Variants in CCDC171 observed in about 807,000 individuals in gnomAD.
CCDC171 encodes coiled-coil domain-containing protein 171.
A neutral mutation model predicts 168.2 loss-of-function variants in CCDC171; 177 were observed. The observed-to-expected ratio is 1.05, with a 90% CI of 0.93 to 1.19. The LOEUF is 1.19. Among genes scored for constraint, CCDC171 ranks in the 50% most tolerant of loss-of-function variants. CCDC171 has a pLI of 0.00. For synonymous variants in CCDC171, 687 were observed against 540.8 expected, an observed-to-expected ratio of 1.27 and a Z score of -3.75; for missense variants, 1,991 against 1,539.0, an observed-to-expected ratio of 1.29 and a Z score of -4.91.
At chr9:15,672,276 A>G (rs951467515) in intron 9 of CCDC171, among the ~76,000 whole-genome samples, 2 of 152,192 alleles carry the variant, frequency 1.3e-5, no homozygotes, top group East Asian at 1.9e-4. Flanking sequence ...ATAAATTGCA[A>G]AAATTTTCTC....
intron 18 of CCDC171, among the ~76,000 whole-genome samples, chr9:15,773,735 G>A (rs770476873): frequency 4.6e-5 from 7 of 150,988 alleles, no homozygotes; most frequent in Non-Finnish European, 8.8e-5. Flanking sequence ...ATTTAATATA[G>A]AATGAATTGC....
intron 6 of CCDC171, among the ~76,000 whole-genome samples, chr9:15,601,253 G>T (rs1054872520): frequency 6.6e-6 from 1 of 152,150 alleles, no homozygotes; most frequent in Non-Finnish European, 1.5e-5. Flanking sequence ...GACTGGAGCT[G>T]TTCCTATTTG....
chr9:16,108,891 C>T, the CCDC171 span, among the ~76,000 whole-genome samples: 1 of 152,106 alleles, frequency 6.6e-6, no homozygotes, highest in Admixed American at 6.5e-5. Context: ...AAATAAATAT[C>T]TTTTCTTTAT....
intron 6 of CCDC171, among the ~76,000 whole-genome samples, chr9:15,595,300 C>G (rs2042262234): frequency 6.6e-6 from 1 of 152,090 alleles, no homozygotes; most frequent in Admixed American, 6.5e-5. Flanking sequence ...CCTCCCCGCT[C>G]CCCTGACCCC....
chr9:15,758,894 A>T (rs932991609), intron 18 of CCDC171, among the ~76,000 whole-genome samples: 1 of 152,138 alleles, frequency 6.6e-6, no homozygotes, highest in Non-Finnish European at 1.5e-5. Flanking sequence ...TTCCCCAGCC[A>T]TGTGGAACTA....
At chr9:15,593,970 A>T in intron 5 of CCDC171, 71 bp from the exon 6 acceptor site, 1 of 1,061,006 alleles carries the variant, frequency 9.4e-7, no homozygotes. Context: ...CTCTTTGTAC[A>T]TTTAAACTGG....
intron 21 of CCDC171, chr9:15,845,614 A>C (rs1436941384): frequency 6.6e-6 from 1 of 152,016 alleles, no homozygotes; most frequent in Admixed American, 6.6e-5. Flanking sequence ...ATGAAATTAT[A>C]ACATTTTTGT....
intron 9 of CCDC171, among the ~76,000 whole-genome samples, chr9:15,674,513 C>T (rs1310694098): frequency 6.6e-6 from 1 of 152,180 alleles, no homozygotes; most frequent in Non-Finnish European, 1.5e-5. Flanking sequence ...GTAAATTTCC[C>T]TCTACACACT....
chr9:16,016,569 G>A (rs538062940), intron 3 of CCDC171, among the ~76,000 whole-genome samples: 3 of 152,056 alleles, frequency 2.0e-5, no homozygotes, highest in East Asian at 1.9e-4. Flanking sequence ...GGATGAGGTC[G>A]GTGAGCCACT....
chr9:15,621,691 T>G (rs1261981466), intron 6 of CCDC171, among the ~76,000 whole-genome samples: 1 of 152,174 alleles, frequency 6.6e-6, no homozygotes, highest in African/African-American at 2.4e-5. Context: ...GGAATGTAAG[T>G]TCATTCAACC....
At chr9:15,758,460 G>T (rs2056260503) in intron 18 of CCDC171, among the ~76,000 whole-genome samples, 1 of 152,196 alleles carries the variant, frequency 6.6e-6, no homozygotes, top group South Asian at 2.1e-4. Context: ...ACTTGCTTTT[G>T]ATTTTACAGG....
chr9:15,972,038 T>A lies in CCDC171; in HGVS notation c.*202T>A, dbSNP rs532603373. 1.5e-5 allele frequency: 8 copies of A among 520,518 alleles called. No individual in the cohort carries two copies. The South Asian group carries it at 2.2e-4, about 15-fold the overall frequency. 32.2% of individuals were successfully genotyped at this position (520,518 alleles called of 1,614,324 possible). A position where few individuals can be genotyped will look rare whatever the true frequency, so the allele number is the denominator to read the frequency against. On this transcript the variant is annotated 3_prime_UTR_variant, in exon 26 of 26. Transcript: ENST00000380701. ...CTTTTTTCTCTCCAAGTTTTATTTG[T>A]TATCACAGTTGCTCATTTTTATGTA...
chr9:15,846,461 C>T (rs9407663), intron 21 of CCDC171, among the ~76,000 whole-genome samples: 9,884 of 152,042 alleles, frequency 0.065, 416 homozygotes, highest in Non-Finnish European at 0.093. Context: ...ATTTGCCTTG[C>T]AGTATTTGAA....
chr9:15,559,662 C>T (rs1321812329), intron 1 of CCDC171, among the ~76,000 whole-genome samples: 1 of 152,164 alleles, frequency 6.6e-6, no homozygotes, highest in Non-Finnish European at 1.5e-5. Flanking sequence ...GTACAGCACA[C>T]TGATGGGTCT....
intron 10 of CCDC171, among the ~76,000 whole-genome samples, chr9:15,685,643 A>T (rs940612324): frequency 2.0e-5 from 3 of 152,144 alleles, no homozygotes; most frequent in Non-Finnish European, 4.4e-5. Flanking sequence ...TCAAAAAAAA[A>T]GATAAATGCA....
intron 18 of CCDC171, among the ~76,000 whole-genome samples, chr9:15,759,943 G>C (rs2056354336): frequency 6.6e-6 from 1 of 152,052 alleles, no homozygotes; most frequent in South Asian, 2.1e-4. Flanking sequence ...ATTTGTAATT[G>C]ACTCATTGTC....
At chr9:15,660,808 G>T (rs2048257195) in intron 8 of CCDC171, among the ~76,000 whole-genome samples, 1 of 152,046 alleles carries the variant, frequency 6.6e-6, no homozygotes, top group Non-Finnish European at 1.5e-5. Flanking sequence ...TGTTTTTTTG[G>T]TAGAATGATT....
At chr9:16,043,274 A>G (rs1490289988) in intron 1 of CCDC171, among the ~76,000 whole-genome samples, 1 of 152,112 alleles carries the variant, frequency 6.6e-6, no homozygotes, top group Non-Finnish European at 1.5e-5. Context: ...TTTTTATTAT[A>G]TATTTTTGTG....
chr9:15,990,637 G>A (rs1465262606), intron 3 of CCDC171, among the ~76,000 whole-genome samples: 1 of 152,120 alleles, frequency 6.6e-6, no homozygotes, highest in Non-Finnish European at 1.5e-5. Flanking sequence ...TGGCAAACTG[G>A]ATAAAGCGTC....
Sources: allele counts gnomAD v4.1 joint callset (sites outside exome capture counted in the v4.1 genomes callset), GRCh38; gene constraint gnomAD v4.1.1; transcripts MANE v1.5; gene names NCBI Gene and HGNC (gene_info 2026-07-23, HGNC 2026-07-21).